The following PCDHGB2 variants were observed in gnomAD, a reference collection of about 807,000 sequenced individuals.
PCDHGB2 encodes protocadherin gamma subfamily B, 2, also known as protocadherin gamma-B2.
PCDHGB2 carries 55 observed loss-of-function variants against 59.3 expected under a neutral mutation model. The observed-to-expected ratio is 0.93, with a 90% confidence interval of 0.75 to 1.16. The LOEUF is 1.16. PCDHGB2 is among the 50% of genes most tolerant of loss of function. The pLI is 0.00. For synonymous variants in PCDHGB2, 516 were observed against 512.0 expected (o/e 1.01, Z -0.11); for missense variants, 1,228 against 1,198.5 (o/e 1.02, Z -0.36).
chr5:141,399,660 C>A lies in PCDHGB2; in HGVS notation c.2421+37104C>A, dbSNP rs988885728. 11 of 1,613,536 alleles carry A rather than the reference C, an allele frequency of 6.8e-6. No individual in the cohort carries two copies. The highest frequency in any genetic ancestry group is 9.3e-6 in the Non-Finnish European group (11 of 1,179,888). ...TGAGCGCGCAAAGTGGGGTGGTGTT[C>A]GCGCAGCGCGCCTTTGACTACGAGC... is the stretch of plus-strand genomic sequence containing the variant. On this transcript the variant is annotated intron_variant, in intron 1 of 3. Coordinates refer to ENST00000522605, the MANE Select transcript of PCDHGB2 (RefSeq NM_018923.3).
chr5:141,393,571 A>G, intron 1 of PCDHGB2: 4 of 1,613,974 alleles, frequency 2.5e-6, no homozygotes, highest in Non-Finnish European at 3.4e-6. Flanking sequence ...AAAGTCCTTG[A>G]GAACATGCCC....
Position 141,432,602 on chromosome 5 carries a change from G to A in PCDHGB2, c.2422-62205G>A. The A allele has an allele frequency of 6.2e-7, 1 of 1,613,966 alleles. No homozygotes were observed. Among genetic ancestry groups the A allele is most frequent in the Non-Finnish European group, 8.5e-7 (1 of 1,179,972 alleles). On this transcript the variant is annotated intron_variant, in intron 1 of 3. Transcript: ENST00000522605. This position sits in a 1 kb window ranked among gnomAD's most constrained non-coding sequence, Gnocchi z 6.0. ...CCGTCTGCTCAAGGCCAGCGAGCCG[G>A]GACTCTTCTCGGTGGGTCTGCACAC...
intron 1 of PCDHGB2, chr5:141,379,532 T>C (rs547960333): frequency 7.9e-5 from 12 of 152,376 alleles, no homozygotes; most frequent in African/African-American, 2.9e-4. Context: ...TTTGTTGTTA[T>C]AGGGAAAGCT....
chr5:141,457,798 C>T (rs1233396158), intron 1 of PCDHGB2, among the ~76,000 whole-genome samples: 5 of 152,194 alleles, frequency 3.3e-5, no homozygotes, highest in African/African-American at 9.6e-5. Context: ...GTTATCCTCT[C>T]CTCTTGAGGT....
At chr5:141,430,906 C>A (rs764039566) in intron 1 of PCDHGB2, 2 of 1,606,932 alleles carry the variant, frequency 1.2e-6, no homozygotes, top group Non-Finnish European at 1.7e-6. Flanking sequence ...GCGACATCTC[C>A]AGGGACCTGG....
At chr5:141,425,173 T>A (rs182492696) in intron 1 of PCDHGB2, among the ~76,000 whole-genome samples, 5 of 152,284 alleles carry the variant, frequency 3.3e-5, no homozygotes, top group Admixed American at 3.3e-4. Context: ...GGATTTATAC[T>A]TGTGGAATTC....
intron 1 of PCDHGB2, chr5:141,426,967 T>G (rs151241654): frequency 2.2e-6 from 1 of 456,702 alleles, no homozygotes; most frequent in East Asian, 6.9e-5. Context: ...GCAATTCAAA[T>G]TGAGGTCACT....
At chr5:141,384,891 G>A in intron 1 of PCDHGB2, 1 of 1,613,876 alleles carries the variant, frequency 6.2e-7, no homozygotes, top group Non-Finnish European at 8.5e-7. Flanking sequence ...CCGTGGCTGT[G>A]GCTGACAGCA....
intron 1 of PCDHGB2, chr5:141,371,833 A>G (rs1171503468): frequency 1.2e-6 from 2 of 1,613,634 alleles, no homozygotes; most frequent in African/African-American, 2.7e-5. Flanking sequence ...TCGGATCCCG[A>G]CTTGGGACCT....
At chr5:141,384,213 A>G (rs1779846196) in intron 1 of PCDHGB2, 2 of 1,613,872 alleles carry the variant, frequency 1.2e-6, no homozygotes, top group Non-Finnish European at 1.7e-6. Context: ...AAACTCACAT[A>G]TTCATGCAGG....
chr5:141,364,362 G>C, intron 1 of PCDHGB2: 1 of 1,560,576 alleles, frequency 6.4e-7, no homozygotes, highest in Non-Finnish European at 8.7e-7. Flanking sequence ...TGGGGCTGCG[G>C]AGAGCTGCTG....
In PCDHGB2 at chr5:141,431,913, T is replaced by C; in HGVS notation, c.2422-62894T>C. The C allele has an allele frequency of 6.2e-7, 1 of 1,614,140 alleles. No individual in the cohort carries two copies. Among genetic ancestry groups the C allele is most frequent in the Admixed American group, 1.7e-5 (1 of 60,034 alleles). On this transcript the variant is annotated intron_variant, in intron 1 of 3. Transcript: ENST00000522605. This position sits in a 1 kb window ranked among gnomAD's most constrained non-coding sequence, Gnocchi z 4.8. The stretch of plus-strand genomic sequence containing the variant: ...GAGGAAAACGGACAGGTGATCTGTT[T>C]CATCCAAGGAAATCTGCCCTTTAAA...
Position 141,432,916 on chromosome 5 carries a change from G to A in PCDHGB2, c.2422-61891G>A, listed in dbSNP as rs1303459899. ...TGCTGGCGCTCAGGCTGCGGCGCTG[G>A]CACAAGTCACGCCTGCTGCAGGCTT... is the stretch of plus-strand genomic sequence containing the variant. On this transcript the variant is annotated intron_variant, in intron 1 of 3. Transcript: ENST00000522605. This position sits in a 1 kb window ranked among gnomAD's most constrained non-coding sequence, Gnocchi z 6.0. 1.2e-6 allele frequency: 2 copies of A among 1,614,078 alleles called. No individual in the cohort carries two copies. The highest frequency in any genetic ancestry group is 1.7e-6 in the Non-Finnish European group (2 of 1,180,048).
chr5:141,394,511 C>T, intron 1 of PCDHGB2: 1 of 1,614,218 alleles, frequency 6.2e-7, no homozygotes. Flanking sequence ...TGTACCCCGC[C>T]CTCCCCACAG....
rs764156663 is a variant in PCDHGB2 at position 141,382,871 on chromosome 5, G to A, written c.2421+20315G>A. 2.6e-6 allele frequency: 4 copies of A among 1,520,506 alleles called. No individual in the cohort carries two copies. The South Asian group carries it at 4.0e-5, about 15-fold the overall frequency. 94.2% of individuals were successfully genotyped at this position (1,520,506 alleles called of 1,614,324 possible). On this transcript the variant is annotated intron_variant, in intron 1 of 3. Coordinates refer to ENST00000522605, the MANE Select transcript of PCDHGB2 (RefSeq NM_018923.3). ...GCATTCTGAAGCACTTCCCGAGATC[G>A]GCGCCTAAGCAAGAGAAGCAGGACG... is the stretch of plus-strand genomic sequence containing the variant.
chr5:141,473,431 G>A (rs541546681), intron 1 of PCDHGB2, among the ~76,000 whole-genome samples: 10 of 152,266 alleles, frequency 6.6e-5, no homozygotes, highest in Non-Finnish European at 1.3e-4. Flanking sequence ...CAGATACTTT[G>A]CTTATGCAAA....
chr5:141,404,290 T>C (rs2094507318), intron 1 of PCDHGB2: 1 of 1,613,984 alleles, frequency 6.2e-7, no homozygotes, highest in South Asian at 1.1e-5. Context: ...CTGACATCAA[T>C]GATAATCCAC....
intron 1 of PCDHGB2, chr5:141,428,040 G>A: frequency 6.2e-7 from 1 of 1,608,668 alleles, no homozygotes; most frequent in Non-Finnish European, 8.5e-7. Flanking sequence ...CGGCTACCTG[G>A]TGACCAAGGT....
chr5:141,437,478 T>G (rs942305423), intron 1 of PCDHGB2, among the ~76,000 whole-genome samples: 2 of 152,210 alleles, frequency 1.3e-5, no homozygotes, highest in African/African-American at 2.4e-5. Flanking sequence ...TATAGCATAT[T>G]TAATCTCGTA....
Sources: allele counts gnomAD v4.1 joint callset (sites outside exome capture counted in the v4.1 genomes callset), GRCh38; gene constraint gnomAD v4.1.1; non-coding constraint Gnocchi (gnomAD v3.1); transcripts MANE v1.5; gene names NCBI Gene and HGNC (gene_info 2026-07-23, HGNC 2026-07-21).